Variants in CDH6 observed in about 807,000 individuals in gnomAD.
CDH6 encodes the protein cadherin 6.
CDH6 carries 31 observed loss-of-function variants against 78.0 expected under a neutral mutation model. The observed-to-expected ratio is 0.40, with a 90% confidence interval of 0.30 to 0.54. CDH6 has a LOEUF of 0.54. Ranked by LOEUF, CDH6 falls within the 20% of genes least tolerant of loss-of-function variation. CDH6 has a pLI of 0.56. For missense variants in CDH6, 724 were observed against 975.9 expected, an observed-to-expected ratio of 0.74 and a Z score of 3.44; for synonymous variants, 376 against 368.8, an observed-to-expected ratio of 1.02 and a Z score of -0.23.
intron 1 of CDH6, among the ~76,000 whole-genome samples, chr5:31,244,135 T>C (rs1208237123): frequency 6.6e-6 from 1 of 152,156 alleles, no homozygotes; most frequent in African/African-American, 2.4e-5. Flanking sequence ...AGTATTTGCC[T>C]ATTTTTCTAA....
At chr5:31,275,190 A>G (rs1354317247) in intron 2 of CDH6, among the ~76,000 whole-genome samples, 1 of 152,200 alleles carries the variant, frequency 6.6e-6, no homozygotes, top group African/African-American at 2.4e-5. Flanking sequence ...CAAGATCTCT[A>G]ATTGTTTTCA....
At chr5:31,205,303 AC>A (rs1314882776) in intron 1 of CDH6, among the ~76,000 whole-genome samples, 1 of 152,148 alleles carries the variant, frequency 6.6e-6, no homozygotes, top group Non-Finnish European at 1.5e-5. Flanking sequence ...TATAATTCTG[AC>A]CACTTTCAAA....
In CDH6 at chr5:31,328,354, C is replaced by A; in HGVS notation, c.*5046C>A. On this transcript the variant is annotated 3_prime_UTR_variant, in exon 12 of 12. Coordinates refer to ENST00000265071, the MANE Select transcript of CDH6 (RefSeq NM_004932.4). ...ATTTATGTAAATATGTCTGGAGGCA[C>A]CTTCTCTAAGCTTTTAGTTTTCTAT... 1 of 199,636 alleles carries A rather than the reference C, an allele frequency of 5.0e-6. No individual in the cohort carries two copies. The highest frequency in any genetic ancestry group is 1.0e-5 in the Non-Finnish European group (1 of 96,796). The allele number at this position is 199,636 out of a possible 1,614,324, so 12.4% of individuals were successfully genotyped here.
At chr5:31,250,345 T>G (rs547800589) in intron 1 of CDH6, 1 of 152,506 alleles carries the variant, frequency 6.6e-6, no homozygotes, top group South Asian at 2.1e-4. Context: ...TTCTTCCACC[T>G]CACACATGCT....
chr5:31,246,598 A>G (rs922798461), intron 1 of CDH6, among the ~76,000 whole-genome samples: 3 of 152,218 alleles, frequency 2.0e-5, no homozygotes, highest in Non-Finnish European at 4.4e-5. Context: ...CACAGTGTGA[A>G]GGTGACCCTA....
chr5:31,200,567 T>TACACACACAC (rs10533381), intron 1 of CDH6, among the ~76,000 whole-genome samples: 72 of 144,474 alleles, frequency 5.0e-4, no homozygotes, highest in African/African-American at 1.7e-3. Context: ...CACACATACA[T>TACACACACAC]ACACACACAC....
At chr5:31,312,413 T>C (rs994067931) in intron 7 of CDH6, among the ~76,000 whole-genome samples, 2 of 152,198 alleles carry the variant, frequency 1.3e-5, no homozygotes, top group African/African-American at 4.8e-5. Context: ...TTAAAACCTT[T>C]TGTAGCCAGT....
At position 31,325,761 on chromosome 5, in the gene CDH6, A is replaced by G. The variant is rs917878874; in HGVS notation, c.*2453A>G. 1 of 230,804 alleles carries G rather than the reference A, an allele frequency of 4.3e-6. No homozygotes were observed. Among genetic ancestry groups the G allele is most frequent in the African/African-American group, 2.2e-5 (1 of 45,214 alleles). The allele number at this position is 230,804 out of a possible 1,614,324, so 14.3% of individuals were successfully genotyped here. A position where few individuals can be genotyped will look rare whatever the true frequency, so the allele number is the denominator to read the frequency against. ...ATACCAAGAACAGGTTAATATGATT[A>G]CTTATGGAAATAACTTTAATCTCTT... On this transcript the variant is annotated 3_prime_UTR_variant, in exon 12 of 12. Coordinates refer to ENST00000265071, the MANE Select transcript of CDH6 (RefSeq NM_004932.4).
chr5:31,211,995 G>C (rs535904265), intron 1 of CDH6, among the ~76,000 whole-genome samples: 2 of 152,266 alleles, frequency 1.3e-5, no homozygotes, highest in South Asian at 2.1e-4. Flanking sequence ...TGGAGAAAAG[G>C]GGGTATCTCA....
At position 31,222,987 on chromosome 5, in the gene CDH6, G is replaced by A. The variant is rs146745708; in HGVS notation, c.-129+29101G>A. Among the ~76,000 whole-genome samples the A allele has an allele frequency of 2.7e-3, 412 of 151,610 alleles. 5 individuals carry two copies. The highest frequency in any genetic ancestry group is 9.7e-3 in the African/African-American group (400 of 41,346). On this transcript the variant is annotated intron_variant, in intron 1 of 11. Coordinates refer to ENST00000265071, the MANE Select transcript of CDH6 (RefSeq NM_004932.4). ...GCAATACCAACTCTCTCTCTCTCCC[G>A]CACTTTTCCTCTTTCTCTCTCACTT...
intron 1 of CDH6, among the ~76,000 whole-genome samples, chr5:31,204,590 G>C (rs1261304243): frequency 6.6e-6 from 1 of 152,170 alleles, no homozygotes; most frequent in Non-Finnish European, 1.5e-5. Context: ...TTGAGGTTCT[G>C]AACATTAATT....
At chr5:31,244,276 G>A (rs1741685633) in intron 1 of CDH6, among the ~76,000 whole-genome samples, 1 of 152,196 alleles carries the variant, frequency 6.6e-6, no homozygotes, top group Non-Finnish European at 1.5e-5. Flanking sequence ...CAGCTGGAAT[G>A]AAGGACAACT....
Position 31,238,553 on chromosome 5 carries a change from C to T in CDH6, c.-128-28793C>T, listed in dbSNP as rs1416194960. Among the ~76,000 whole-genome samples the T allele has an allele frequency of 3.9e-5, 6 of 152,214 alleles. No individual in the cohort carries two copies. The East Asian group carries it at 1.2e-3, about 29-fold the overall frequency. On this transcript the variant is annotated intron_variant, in intron 1 of 11. Transcript: ENST00000265071. The stretch of plus-strand genomic sequence containing the variant: ...TTCACTATCGTAATCCTAACAATTA[C>T]TGCAATTATGGCAGTAAGAAAGTAG...
intron 1 of CDH6, among the ~76,000 whole-genome samples, chr5:31,227,878 C>T (rs943664097): frequency 6.6e-6 from 1 of 152,176 alleles, no homozygotes; most frequent in Non-Finnish European, 1.5e-5. Context: ...GTATTAGTTG[C>T]TTCTTGCTGC....
At chr5:31,239,089 G>A (rs1054995973) in intron 1 of CDH6, among the ~76,000 whole-genome samples, 2 of 152,120 alleles carry the variant, frequency 1.3e-5, no homozygotes, top group Non-Finnish European at 2.9e-5. Flanking sequence ...GTGTGGTTCC[G>A]GAAATCATAA....
intron 1 of CDH6, among the ~76,000 whole-genome samples, chr5:31,223,520 C>T (rs1741058241): frequency 6.6e-6 from 1 of 152,028 alleles, no homozygotes; most frequent in Non-Finnish European, 1.5e-5. Context: ...TAATGAGATT[C>T]TTATTTTATT....
At chr5:31,209,540 G>T (rs936831418) in intron 1 of CDH6, among the ~76,000 whole-genome samples, 6 of 152,068 alleles carry the variant, frequency 3.9e-5, no homozygotes, top group African/African-American at 7.2e-5. Context: ...CGGGAAAGGC[G>T]GTCAGAAAAG....
chr5:31,264,508 A>G (rs115687789), intron 1 of CDH6, among the ~76,000 whole-genome samples: 4,560 of 152,224 alleles, frequency 0.03, 238 homozygotes, highest in African/African-American at 0.1. Flanking sequence ...AATGTTGCAG[A>G]CCCCAGCACT....
At chr5:31,195,990 G>A (rs1449375523) in intron 1 of CDH6, among the ~76,000 whole-genome samples, 3 of 152,230 alleles carry the variant, frequency 2.0e-5, no homozygotes, top group Non-Finnish European at 4.4e-5. Flanking sequence ...GAAAGTGACA[G>A]TTTGGTATCT....
Sources: gnomAD v4.1 joint callset for allele counts (sites outside exome capture counted in the v4.1 genomes callset) on GRCh38, gnomAD v4.1.1 for gene constraint, MANE v1.5 for transcripts, NCBI Gene and HGNC (gene_info 2026-07-23, HGNC 2026-07-21) for gene names.